Variants in METTL16 observed in about 807,000 individuals in gnomAD.
The protein encoded by METTL16 is methyltransferase 16, RNA N6-adenosine.
METTL16 carries 19 observed loss-of-function variants against 57.9 expected under a neutral mutation model. The ratio of observed to expected loss-of-function variants is 0.33; its 90% CI spans 0.23 to 0.48. METTL16 has a LOEUF of 0.48. Among genes scored for constraint, METTL16 ranks in the 20% least tolerant of loss-of-function variants. The pLI is 0.99. For missense variants in METTL16, 434 were observed against 691.5 expected (o/e 0.63, Z 4.18); for synonymous variants, 246 against 255.6 (o/e 0.96, Z 0.36).
chr17:2,483,259 CAACA>C (rs1410625083), intron 2 of METTL16, among the ~76,000 whole-genome samples: 1 of 152,130 alleles, frequency 6.6e-6, no homozygotes, highest in Non-Finnish European at 1.5e-5. Context: ...AGTTATTTCA[CAACA>C]GACAACCTTA....
Position 2,419,690 on chromosome 17 carries a change from A to G in METTL16, c.*280T>C, listed in dbSNP as rs2066745370. 3 of 607,120 alleles carry G rather than the reference A, an allele frequency of 4.9e-6. No individual in the cohort carries two copies. The highest frequency in any genetic ancestry group is 3.6e-5 in the African/African-American group (2 of 55,248). The allele number at this position is 607,120 out of a possible 1,614,324, so 37.6% of individuals were successfully genotyped here. On this transcript the variant is annotated 3_prime_UTR_variant, in exon 10 of 10. Coordinates refer to ENST00000263092, the MANE Select transcript of METTL16 (RefSeq NM_024086.4). ...AGAGGCAGTCCAGAGCTGAGGGGCC[A>G]GCTTGAGCCAGCTTGCAATCCCTCG...
chr17:2,480,541 A>C (rs1185302852), intron 2 of METTL16, among the ~76,000 whole-genome samples: 1 of 152,202 alleles, frequency 6.6e-6, no homozygotes. Context: ...GTTTCCAAAT[A>C]GCACTCCCCA....
At chr17:2,454,841 G>A (rs1057369636) in intron 6 of METTL16, among the ~76,000 whole-genome samples, 1 of 152,070 alleles carries the variant, frequency 6.6e-6, no homozygotes, top group African/African-American at 2.4e-5. Flanking sequence ...TAGGATTACA[G>A]GAGTGAGCCC....
intron 2 of METTL16, among the ~76,000 whole-genome samples, chr17:2,500,716 G>A (rs2067481350): frequency 6.6e-6 from 1 of 152,214 alleles, no homozygotes; most frequent in Non-Finnish European, 1.5e-5. Flanking sequence ...GAGGAATGCA[G>A]TTAGAGATAG....
At chr17:2,448,802 T>TAAAAAAA (rs71150866) in intron 6 of METTL16, among the ~76,000 whole-genome samples, 5 of 43,630 alleles carry the variant, frequency 1.1e-4, no homozygotes, top group African/African-American at 2.6e-4. Context: ...AAATAAAATT[T>TAAAAAAA]AAAAAAAAAA....
At chr17:2,427,232 A>G (rs2066826454) in intron 8 of METTL16, among the ~76,000 whole-genome samples, 1 of 152,240 alleles carries the variant, frequency 6.6e-6, no homozygotes, top group Admixed American at 6.5e-5. Flanking sequence ...AGGGTGAATG[A>G]GATAGAAGAA....
intron 6 of METTL16, among the ~76,000 whole-genome samples, chr17:2,457,533 C>A (rs2067120375): frequency 4.0e-5 from 6 of 151,724 alleles, no homozygotes; most frequent in Admixed American, 2.6e-4. Flanking sequence ...CACGCTGAAA[C>A]CCCATTTCTA....
At chr17:2,429,292 G>A (rs552202747) in intron 8 of METTL16, among the ~76,000 whole-genome samples, 107 of 149,030 alleles carry the variant, frequency 7.2e-4, no homozygotes, top group Non-Finnish European at 1.2e-3. Context: ...GGGTTCAAGC[G>A]ATTCTCCTGC....
At chr17:2,447,470 C>A (rs1597448040) in intron 6 of METTL16, among the ~76,000 whole-genome samples, 3 of 138,354 alleles carry the variant, frequency 2.2e-5, no homozygotes, top group Non-Finnish European at 3.1e-5. Flanking sequence ...GCCCCCCGCC[C>A]GGCCAGCCGC....
rs548189429 is a variant in METTL16, at chr17:2,481,897, T to C, written c.129-4012A>G. 8.5e-5 allele frequency among the ~76,000 whole-genome samples: 13 copies of C among 152,160 alleles called. No homozygotes were observed. In the South Asian group the frequency reaches 2.7e-3, roughly 32 times the overall value. ...CCTTTAGATATCTAGGCAAGTAAGC[T>C]AAACAATTGATTTTGGGGTTAGGGA... On this transcript the variant is annotated intron_variant, in intron 2 of 9. Transcript: ENST00000263092.
At chr17:2,455,826 T>G (rs2067106166) in intron 6 of METTL16, among the ~76,000 whole-genome samples, 1 of 151,742 alleles carries the variant, frequency 6.6e-6, no homozygotes, top group Admixed American at 6.6e-5. Context: ...TACAAAAAAA[T>G]GCAAAAATTG....
At chr17:2,431,791 G>GT (rs2066875556) in intron 8 of METTL16, among the ~76,000 whole-genome samples, 1 of 152,046 alleles carries the variant, frequency 6.6e-6, no homozygotes, top group Non-Finnish European at 1.5e-5. Flanking sequence ...GGAATAGATG[G>GT]TTTAAAATTA....
chr17:2,423,286 G>C (rs894536379), intron 8 of METTL16, among the ~76,000 whole-genome samples: 1 of 151,256 alleles, frequency 6.6e-6, no homozygotes. Flanking sequence ...GTGTGTGTGT[G>C]TGTGTGTGTG....
At chr17:2,510,905 A>C (rs971865080) in intron 1 of METTL16, among the ~76,000 whole-genome samples, 1 of 152,136 alleles carries the variant, frequency 6.6e-6, no homozygotes, top group African/African-American at 2.4e-5. Flanking sequence ...CACAGAATTT[A>C]CCCATCTGGC....
At chr17:2,495,486 G>C (rs1001884234) in intron 2 of METTL16, among the ~76,000 whole-genome samples, 1 of 151,144 alleles carries the variant, frequency 6.6e-6, no homozygotes, top group East Asian at 2.0e-4. Flanking sequence ...CACGAGGTCA[G>C]GAGTTCGAGA....
chr17:2,460,819 A>G (rs1451191931), intron 6 of METTL16, among the ~76,000 whole-genome samples: 9 of 149,256 alleles, frequency 6.0e-5, no homozygotes, highest in Non-Finnish European at 1.3e-4. Context: ...TGGGAGGCAG[A>G]GGTTGCAGTG....
At chr17:2,445,296 T>C (rs1387694055) in intron 6 of METTL16, among the ~76,000 whole-genome samples, 2 of 152,282 alleles carry the variant, frequency 1.3e-5, no homozygotes, top group Admixed American at 6.5e-5. Context: ...ACACAGGCTA[T>C]TATTACATTA....
At position 2,418,345 on chromosome 17, in the gene METTL16, C is replaced by T. The variant is rs1486941361; in HGVS notation, c.*1625G>A. The stretch of plus-strand genomic sequence containing the variant: ...GTGGCTCACGGCTGTAATCCCAGCA[C>T]TTTGGGAGGCCAAGGTGGGCGGATC... On this transcript the variant is annotated 3_prime_UTR_variant, in exon 10 of 10. Transcript: ENST00000263092. 6.6e-6 allele frequency: 1 copy of T among 152,286 alleles called. No individual in the cohort carries two copies. The highest frequency in any genetic ancestry group is 1.5e-5 in the Non-Finnish European group (1 of 68,158). The allele number at this position is 152,286 out of a possible 1,614,324, so 9.4% of individuals were successfully genotyped here. A position where few individuals can be genotyped will look rare whatever the true frequency, so the allele number is the denominator to read the frequency against.
At chr17:2,435,262 T>C (rs1357869154) in intron 8 of METTL16, among the ~76,000 whole-genome samples, 1 of 152,172 alleles carries the variant, frequency 6.6e-6, no homozygotes, top group Non-Finnish European at 1.5e-5. Flanking sequence ...AAAACAGAAG[T>C]TGCCATAGTA....
Sources: gnomAD v4.1 joint callset for allele counts (sites outside exome capture counted in the v4.1 genomes callset) on GRCh38, gnomAD v4.1.1 for gene constraint, MANE v1.5 for transcripts, NCBI Gene and HGNC (gene_info 2026-07-23, HGNC 2026-07-21) for gene names.